Variants in SLC38A6 observed in about 807,000 individuals in gnomAD.
SLC38A6 encodes N system amino acid transporter NAT-1.
Under a neutral mutation model 65.0 loss-of-function variants are expected in SLC38A6, and 73 were observed. The observed-to-expected ratio is 1.12, with a 90% CI of 0.93 to 1.37. The LOEUF (loss-of-function observed/expected upper bound fraction) is 1.37, where lower values mean the gene tolerates loss of function less well. SLC38A6 is among the 40% of genes most tolerant of loss of function. SLC38A6 has a pLI of 0.00. For missense variants in SLC38A6, 561 were observed against 531.1 expected (o/e 1.06, Z -0.55); for synonymous variants, 183 against 178.8 (o/e 1.02, Z -0.19).
chr14:61,022,266 T>A (rs1032369495), intron 5 of SLC38A6, among the ~76,000 whole-genome samples: 4 of 152,088 alleles, frequency 2.6e-5, no homozygotes, highest in Non-Finnish European at 1.5e-5. Context: ...CTATTTTTTG[T>A]CACTAAGCAA....
chr14:61,081,393 C>T (rs564639890), intron 16 of SLC38A6, among the ~76,000 whole-genome samples: 2 of 133,364 alleles, frequency 1.5e-5, no homozygotes, highest in Admixed American at 1.5e-4. Context: ...CCAGGTCCAG[C>T]GTAAGTCTTT....
chr14:60,981,248 G>A lies in SLC38A6; in HGVS notation c.-30G>A, dbSNP rs1248731539. 2 of 1,574,588 alleles carry A rather than the reference G, an allele frequency of 1.3e-6. No individual in the cohort carries two copies. The highest frequency in any genetic ancestry group is 2.3e-5 in the East Asian group (1 of 42,826). On this transcript the variant is annotated 5_prime_UTR_variant, in exon 1 of 16. Transcript: ENST00000267488. ...CGCAGGGCAGGGGTAGAGGCTCGTA[G>A]ATGGAACTGGTAGTCAGCTGGAGAG...
intron 13 of SLC38A6, 132 bp downstream of exon 13, chr14:61,050,768 C>G (rs1004565042): frequency 4.9e-6 from 4 of 811,208 alleles, no homozygotes; most frequent in African/African-American, 3.5e-5. Flanking sequence ...AGTAATTGAT[C>G]AAAGACTTCA....
At position 60,982,386 on chromosome 14, in the gene SLC38A6, G is replaced by A. The variant is rs566490536; in HGVS notation, c.106-122G>A. ...AATTAGTGTTGGTTAAGCAACGAGT[G>A]TGTCATACAAACCCTGGTGGTTTGC... On this transcript the variant is annotated intron_variant, in intron 1 of 15. Transcript: ENST00000267488. 6.4e-6 allele frequency: 8 copies of A among 1,241,122 alleles called. No homozygotes were observed. The East Asian group carries it at 1.5e-4, about 23-fold the overall frequency. 76.9% of individuals were successfully genotyped at this position (1,241,122 alleles called of 1,614,324 possible).
chr14:61,062,750 G>T (rs977497303), intron 15 of SLC38A6, among the ~76,000 whole-genome samples: 3 of 151,976 alleles, frequency 2.0e-5, no homozygotes, highest in African/African-American at 7.3e-5. Flanking sequence ...GTATAATCTC[G>T]GCTCACTGCA....
intron 1 of SLC38A6, 36 bp from the exon 2 acceptor site, chr14:60,982,472 C>G: frequency 6.3e-7 from 1 of 1,585,818 alleles, no homozygotes; most frequent in Non-Finnish European, 8.6e-7. Context: ...CTTCACCGTC[C>G]AAACATTTAA....
chr14:61,040,687 GC>G (rs1232152759), intron 8 of SLC38A6, among the ~76,000 whole-genome samples: 1 of 151,960 alleles, frequency 6.6e-6, no homozygotes, highest in African/African-American at 2.4e-5. Context: ...CCATTATGTT[GC>G]CCAGGCTAGC....
chr14:60,991,798 A>G (rs1255229076), intron 3 of SLC38A6, among the ~76,000 whole-genome samples: 1 of 152,118 alleles, frequency 6.6e-6, no homozygotes, highest in Non-Finnish European at 1.5e-5. Context: ...TTTCTGTTCC[A>G]TTATTCTTGT....
chr14:61,019,041 G>A (rs1426651560), intron 4 of SLC38A6, among the ~76,000 whole-genome samples: 1 of 152,194 alleles, frequency 6.6e-6, no homozygotes, highest in African/African-American at 2.4e-5. Context: ...CAGGGTTTGA[G>A]AGTAATTGGG....
At chr14:61,044,261 G>C (rs1395535604) in intron 10 of SLC38A6, among the ~76,000 whole-genome samples, 1 of 152,166 alleles carries the variant, frequency 6.6e-6, no homozygotes, top group East Asian at 1.9e-4. Context: ...AGTGTAGAAT[G>C]TTAGCTTGGT....
chr14:61,001,653 C>G (rs888772871), intron 3 of SLC38A6, among the ~76,000 whole-genome samples: 11 of 152,182 alleles, frequency 7.2e-5, no homozygotes, highest in African/African-American at 2.2e-4. Context: ...GTGATTGCCT[C>G]TCTAAGTCTA....
chr14:61,030,056 A>G (rs139632103), intron 5 of SLC38A6, among the ~76,000 whole-genome samples: 1 of 152,268 alleles, frequency 6.6e-6, no homozygotes, highest in Admixed American at 6.5e-5. Context: ...TTCTGTGTCT[A>G]TGTCTGTTGT....
intron 3 of SLC38A6, among the ~76,000 whole-genome samples, chr14:60,997,180 G>A (rs1333339736): frequency 2.6e-5 from 4 of 152,066 alleles, no homozygotes; most frequent in Non-Finnish European, 5.9e-5. Context: ...AGGCTGGAGT[G>A]CAGTGGTGTA....
Position 61,052,093 on chromosome 14 carries a change from T to C in SLC38A6, c.1248T>C (p.Leu416=). The C allele has an allele frequency of 6.3e-7, 1 of 1,578,164 alleles. No homozygotes were observed. The highest frequency in any genetic ancestry group is 8.5e-7 in the Non-Finnish European group (1 of 1,171,030). The part of the protein sequence containing the change: ...LIFIFPGLFY[L]KLSREDFLSW... ...TTATATTCCCAGGACTATTTTATCT[T>C]AAACTTAGCAGAGAGGATTTTCTGT... The change falls in exon 15 of 16, where the codon CTT becomes CTC. Residue 416 remains leucine, a synonymous_variant. Transcript: ENST00000267488.
chr14:61,026,862 A>T (rs1365798033), intron 5 of SLC38A6, among the ~76,000 whole-genome samples: 1 of 152,074 alleles, frequency 6.6e-6, no homozygotes, highest in Admixed American at 6.6e-5. Context: ...GTAGAATACT[A>T]CCAAGCATAC....
At chr14:61,016,677 A>G (rs1035534481) in intron 4 of SLC38A6, among the ~76,000 whole-genome samples, 7 of 152,206 alleles carry the variant, frequency 4.6e-5, no homozygotes, top group African/African-American at 1.7e-4. Flanking sequence ...TATATTTTTT[A>G]ATTTCTGAAG....
intron 3 of SLC38A6, among the ~76,000 whole-genome samples, chr14:61,002,652 C>T (rs2038792522): frequency 6.6e-6 from 1 of 152,136 alleles, no homozygotes; most frequent in Admixed American, 6.5e-5. Context: ...CAAACTCTTG[C>T]TCTCGCCAAA....
chr14:61,079,194 G>A (rs1566740382), intron 16 of SLC38A6, among the ~76,000 whole-genome samples: 1 of 137,904 alleles, frequency 7.3e-6, no homozygotes, highest in African/African-American at 2.8e-5. Context: ...CTGGAGTGCA[G>A]TGGCGGGTAT....
intron 12 of SLC38A6, 139 bp downstream of exon 12, chr14:61,046,306 G>A: frequency 2.1e-6 from 1 of 484,978 alleles, no homozygotes; most frequent in Non-Finnish European, 3.7e-6. Context: ...TACTGTGGTG[G>A]CTCTTGAGGC....
Sources: allele counts gnomAD v4.1 joint callset (sites outside exome capture counted in the v4.1 genomes callset), GRCh38; gene constraint gnomAD v4.1.1; transcripts MANE v1.5; gene names NCBI Gene and HGNC (gene_info 2026-07-23, HGNC 2026-07-21).